HDGF: variants seen among roughly 807,000 people sequenced by gnomAD.
HDGF encodes the protein hepatoma-derived growth factor.
Under a neutral mutation model 30.0 loss-of-function variants are expected in HDGF, and 5 were observed. The observed-to-expected ratio is 0.17, with a 90% CI of 0.09 to 0.35. The LOEUF (loss-of-function observed/expected upper bound fraction) is 0.35, where lower values mean the gene tolerates loss of function less well. Among genes scored for constraint, HDGF ranks in the 10% least tolerant of loss-of-function variants. HDGF has a pLI of 1.00. For missense variants in HDGF, 214 were observed against 302.8 expected, an observed-to-expected ratio of 0.71 and a Z score of 2.18; for synonymous variants, 133 against 112.7, an observed-to-expected ratio of 1.18 and a Z score of -1.14.
chr1:156,752,908 A>G (rs544175884), upstream of HDGF, among the ~76,000 whole-genome samples: 287 of 152,324 alleles, frequency 1.9e-3, 1 homozygote, highest in African/African-American at 6.4e-3. Flanking sequence ...ATTTCAAAGC[A>G]TATGCAAAGT....
At chr1:156,760,678 G>A (rs890374499) in intron 1 of HDGF, among the ~76,000 whole-genome samples, 5 of 152,136 alleles carry the variant, frequency 3.3e-5, no homozygotes, top group Admixed American at 6.5e-5. Flanking sequence ...TGGCCAGGAC[G>A]ATAAAGAGGC....
In HDGF at chr1:156,743,198, C is replaced by A. The variant is rs768366521; in HGVS notation, c.*251G>T. 49 of 434,964 alleles carry A rather than the reference C, an allele frequency of 1.1e-4. 1 individual carries two copies. In the Middle Eastern group the frequency reaches 4.1e-3, roughly 36 times the overall value. 26.9% of individuals were successfully genotyped at this position (434,964 alleles called of 1,614,324 possible). On this transcript the variant is annotated 3_prime_UTR_variant, in exon 6 of 6. Coordinates refer to ENST00000357325, the MANE Select transcript of HDGF (RefSeq NM_004494.3). ...AGCGGAAGGAACACAGTGGCCTCAA[C>A]TCATTCCAGGGAGAAGACATGGCTC...
At position 156,749,061 on chromosome 1, in the gene HDGF, G is replaced by C. The variant is rs140884804; in HGVS notation, c.87+2282C>G. Among the ~76,000 whole-genome samples the C allele has an allele frequency of 2.9e-3, 447 of 152,376 alleles. 1 individual carries two copies. The highest frequency in any genetic ancestry group is 9.8e-3 in the African/African-American group (409 of 41,590). On this transcript the variant is annotated intron_variant, in intron 1 of 5. Coordinates refer to ENST00000357325, the MANE Select transcript of HDGF (RefSeq NM_004494.3). ...GATCCCCCAGGAAGTTAGGCAGGCG[G>C]AAGAGGGAAAGGAGAAGGTTAAGAT...
intron 1 of HDGF, among the ~76,000 whole-genome samples, chr1:156,761,702 C>A (rs1053051646): frequency 6.6e-6 from 1 of 150,752 alleles, no homozygotes; most frequent in African/African-American, 2.4e-5. Flanking sequence ...AATCCCAGCA[C>A]TTTGGGAGGC....
chr1:156,749,415 T>A (rs376799461), intron 1 of HDGF, among the ~76,000 whole-genome samples: 7 of 152,214 alleles, frequency 4.6e-5, no homozygotes, highest in African/African-American at 1.4e-4. Flanking sequence ...AAGGGGACTG[T>A]GTCTGGGAGG....
In HDGF at chr1:156,751,272, C is replaced by A; in HGVS notation, c.87+71G>T. The A allele has an allele frequency of 6.4e-7, 1 of 1,550,402 alleles. No homozygotes were observed. The highest frequency in any genetic ancestry group is 8.7e-7 in the Non-Finnish European group (1 of 1,145,384). The stretch of plus-strand genomic sequence containing the variant: ...ACCTCTGCCCGCTCCGCGCGGAGCG[C>A]TCGTGCCCTTCCCGGTGTTATGCAA... On this transcript the variant is annotated intron_variant, in intron 1 of 5. Transcript: ENST00000357325. This position sits in a 1 kb window ranked among gnomAD's most constrained non-coding sequence, Gnocchi z 4.7.
upstream of HDGF, among the ~76,000 whole-genome samples, chr1:156,753,643 C>T (rs1031290166): frequency 2.6e-5 from 4 of 152,196 alleles, no homozygotes; most frequent in Admixed American, 1.3e-4. Context: ...CTCTGCCTCC[C>T]GGGTTCAAGC....
rs1374869227 is a variant in HDGF at position 156,751,437 on chromosome 1, C to T, written c.-8G>A. The T allele has an allele frequency of 1.1e-5, 17 of 1,556,628 alleles. No individual in the cohort carries two copies. Among genetic ancestry groups the T allele is most frequent in the Admixed American group, 5.4e-5 (3 of 55,122 alleles). On this transcript the variant is annotated 5_prime_UTR_variant, in exon 1 of 6. Coordinates refer to ENST00000357325, the MANE Select transcript of HDGF (RefSeq NM_004494.3). The surrounding 1 kb of genome is among the most constrained non-coding windows in gnomAD (Gnocchi z 4.7). ...CCGGTTGGATCGCGACATGGCGGGG[C>T]TCCGGGCGCCCCGGGCTCCGCGCCG...
chr1:156,751,667 T>G lies in HDGF; in HGVS notation c.-238A>C. ...GGTGGGTGCGCGCTCGTGCAGTTGT[T>G]TGTGTTTGAAATTCAATTGCTCCCT... On this transcript the variant is annotated 5_prime_UTR_variant, in exon 1 of 6. Transcript: ENST00000357325. The surrounding 1 kb of genome is among the most constrained non-coding windows in gnomAD (Gnocchi z 4.7). The G allele has an allele frequency of 1.9e-6, 2 of 1,057,906 alleles. No homozygotes were observed. Among genetic ancestry groups the G allele is most frequent in the East Asian group, 8.4e-5 (1 of 11,944 alleles). 65.5% of individuals were successfully genotyped at this position (1,057,906 alleles called of 1,614,324 possible). A position where few individuals can be genotyped will look rare whatever the true frequency, so the allele number is the denominator to read the frequency against.
At chr1:156,744,445 C>T in intron 3 of HDGF, 97 bp from the exon 4 acceptor site, 2 of 1,584,274 alleles carry the variant, frequency 1.3e-6, no homozygotes, top group Non-Finnish European at 1.7e-6. Context: ...TTCCTTTTCC[C>T]GCCTCTCCCC....
intron 3 of HDGF, chr1:156,744,631 C>A: frequency 9.1e-7 from 1 of 1,098,992 alleles, no homozygotes; most frequent in Non-Finnish European, 1.2e-6. Flanking sequence ...ACCCTTTCCC[C>A]GCCAACCCCC....
chr1:156,749,120 T>G (rs1214727078), intron 1 of HDGF, among the ~76,000 whole-genome samples: 1 of 152,224 alleles, frequency 6.6e-6, no homozygotes, highest in Non-Finnish European at 1.5e-5. Context: ...AGGTCCTGCC[T>G]ATCACGTGGC....
chr1:156,759,247 C>G (rs1344806152), intron 1 of HDGF: 1 of 152,044 alleles, frequency 6.6e-6, no homozygotes, highest in East Asian at 1.9e-4. Context: ...AGTGATTTAC[C>G]AAAAAGTCAT....
intron 1 of HDGF, chr1:156,747,588 G>C (rs1248251416): frequency 6.6e-6 from 1 of 152,020 alleles, no homozygotes; most frequent in African/African-American, 2.4e-5. Context: ...GACAATAATA[G>C]CAAACGCCTT....
At chr1:156,746,267 A>G (rs889455571) in intron 1 of HDGF, among the ~76,000 whole-genome samples, 24 of 152,014 alleles carry the variant, frequency 1.6e-4, no homozygotes, top group Non-Finnish European at 2.2e-4. Flanking sequence ...AAGGTCAGAG[A>G]CCAGCTCTGC....
chr1:156,751,942 G>A, upstream of HDGF: 1 of 1,164,256 alleles, frequency 8.6e-7, no homozygotes, highest in Non-Finnish European at 1.2e-6. This position sits in a 1 kb window ranked among gnomAD's most constrained non-coding sequence, Gnocchi z 4.7. Flanking sequence ...GGCTTTGTGT[G>A]CCCGCGGTCG....
Position 156,743,759 on chromosome 1 carries a change from C to A in HDGF, c.609G>T (p.Glu203Asp), listed in dbSNP as rs757142792. The A allele has an allele frequency of 1.9e-6, 3 of 1,600,330 alleles. No homozygotes were observed. The highest frequency in any genetic ancestry group is 2.6e-6 in the Non-Finnish European group (3 of 1,173,374). ...GGGGAGGCCCCCGGCCAGAGCCGGG[C>A]TCAGAGGGGGTGCTATTCTTTTCCA... Reference protein sequence around the residue: ...MEVEKNSTPSEPGSGRGPPQE... With the variant: ...MEVEKNSTPSDPGSGRGPPQE... The change falls in exon 5 of 6, where the codon GAG becomes GAT. Residue 203 changes from glutamate to aspartate, a missense_variant. Glu to Asp is a conservative substitution (Grantham distance 45, BLOSUM62 2). This residue lies in a region of HDGF where 176 missense variants were observed against 211.7 expected (regional missense o/e 0.83). Coordinates refer to ENST00000357325, the MANE Select transcript of HDGF (RefSeq NM_004494.3).
At chr1:156,752,158 C>T, upstream of HDGF, 1 of 1,551,668 alleles carries the variant, frequency 6.4e-7, no homozygotes, top group Middle Eastern at 1.7e-4. Context: ...GTGCTAGGCG[C>T]CGAGGGCGAG....
Position 156,751,086 on chromosome 1 carries a change from G to C in HDGF, c.87+257C>G, listed in dbSNP as rs1451755162. ...CGGAGCTGGGGGCCGGGAAGTGACC[G>C]GCGCCCTCGGATCCCCACGCCGTGA... On this transcript the variant is annotated intron_variant, in intron 1 of 5. Transcript: ENST00000357325. This position sits in a 1 kb window ranked among gnomAD's most constrained non-coding sequence, Gnocchi z 4.7. Among the ~76,000 whole-genome samples, 3 of 152,088 alleles carry C rather than the reference G, an allele frequency of 2.0e-5. No individual in the cohort carries two copies. Among genetic ancestry groups the C allele is most frequent in the East Asian group, 1.9e-4 (1 of 5,168 alleles).
Sources: allele counts gnomAD v4.1 joint callset (sites outside exome capture counted in the v4.1 genomes callset), GRCh38; gene constraint gnomAD v4.1.1; regional missense constraint gnomAD v4.1.1; non-coding constraint Gnocchi (gnomAD v3.1); transcripts MANE v1.5; gene names NCBI Gene and HGNC (gene_info 2026-07-23, HGNC 2026-07-21).